NIBAN2: variants seen among roughly 807,000 people sequenced by gnomAD.
The protein encoded by NIBAN2 is niban apoptosis regulator 2.
NIBAN2 carries 36 observed loss-of-function variants against 81.8 expected under a neutral mutation model. That is an observed-to-expected ratio of 0.44 (90% CI 0.34 to 0.58). The LOEUF is 0.58. Ranked by LOEUF, NIBAN2 falls within the 20% of genes least tolerant of loss-of-function variation. NIBAN2 has a pLI of 0.02. For synonymous variants in NIBAN2, 445 were observed against 441.6 expected, an observed-to-expected ratio of 1.01 and a Z score of -0.10; for missense variants, 897 against 1,014.1, an observed-to-expected ratio of 0.88 and a Z score of 1.57.
chr9:127,521,377 G>A (rs1488002385), intron 5 of NIBAN2, among the ~76,000 whole-genome samples: 1 of 152,132 alleles, frequency 6.6e-6, no homozygotes. Flanking sequence ...CAGACAGAGG[G>A]GGACCACGGT....
chr9:127,525,321 T>C (rs1462269788), intron 3 of NIBAN2, among the ~76,000 whole-genome samples, 158 bp from the exon 4 acceptor site: 2 of 152,090 alleles, frequency 1.3e-5, no homozygotes, highest in Non-Finnish European at 2.9e-5. Flanking sequence ...GTCACTATCA[T>C]GGTGATTGGG....
At chr9:127,546,683 C>T (rs369801357) in intron 1 of NIBAN2, among the ~76,000 whole-genome samples, 7 of 152,174 alleles carry the variant, frequency 4.6e-5, no homozygotes, top group Non-Finnish European at 7.3e-5. Context: ...AGATGTCAGG[C>T]GAGTCACCAA....
At chr9:127,572,825 G>T (rs539008130), upstream of NIBAN2, among the ~76,000 whole-genome samples, 13 of 152,176 alleles carry the variant, frequency 8.5e-5, 1 homozygote, top group South Asian at 2.5e-3. Context: ...CAAGAGGATT[G>T]CTTGAGGCCA....
chr9:127,578,920 A>G lies in NIBAN2; in HGVS notation c.16+2T>C, dbSNP rs1838041744. On this transcript the variant is annotated splice_donor_variant, in intron 1 of 13. Coordinates refer to the NIBAN2 transcript ENST00000373314. LOFTEE classifies it high-confidence loss of function. ...TCCTGGGGACTTGTGCACAAGTCTT[A>G]CCTCCCATCCACCCCATCCTCCAGA... 6.2e-7 allele frequency: 1 copy of G among 1,610,932 alleles called. No homozygotes were observed.
Position 127,506,881 on chromosome 9 carries a change from G to A in NIBAN2, c.2205C>T (p.Thr735=), listed in dbSNP as rs1241133227. The A allele has an allele frequency of 6.2e-7, 1 of 1,612,616 alleles. No homozygotes were observed. Among genetic ancestry groups the A allele is most frequent in the Non-Finnish European group, 8.5e-7 (1 of 1,179,530 alleles). ...TCTGCACCCCTGCACTGTCCTCGGT[G>A]GTGGTGTGGAGGGCGGGGTGGCTGC... ...SPSSHPALHT[T]TEDSAGVQTE... is the part of the protein sequence containing the mutation. Residue 735 remains threonine, a synonymous_variant, in exon 14 of 14, where the codon ACC becomes ACT. Coordinates refer to ENST00000373312, the MANE Select transcript of NIBAN2 (RefSeq NM_022833.4).
At chr9:127,555,304 C>T (rs1216092873) in intron 1 of NIBAN2, among the ~76,000 whole-genome samples, 1 of 152,092 alleles carries the variant, frequency 6.6e-6, no homozygotes, top group African/African-American at 2.4e-5. Flanking sequence ...GGAAGGGGGA[C>T]GACCACCCTT....
chr9:127,541,163 G>A (rs1837372080), intron 1 of NIBAN2, among the ~76,000 whole-genome samples: 1 of 152,180 alleles, frequency 6.6e-6, no homozygotes, highest in South Asian at 2.1e-4. Flanking sequence ...GAGACAGCAG[G>A]GAGAGCTTGG....
chr9:127,509,943 C>G (rs1032327996), intron 9 of NIBAN2: 26 of 398,818 alleles, frequency 6.5e-5, no homozygotes, highest in Middle Eastern at 1.4e-3. Flanking sequence ...CTAATGTTCC[C>G]TCTTTCCTCA....
At chr9:127,554,548 CTTTTTTT>C (rs1230242603) in intron 1 of NIBAN2, among the ~76,000 whole-genome samples, 9 of 103,704 alleles carry the variant, frequency 8.7e-5, no homozygotes, top group South Asian at 3.6e-4. Context: ...TTTTCTTTTT[CTTTTTTT>C]TTTTTTTTTT....
intron 8 of NIBAN2, among the ~76,000 whole-genome samples, chr9:127,511,145 A>G (rs1836729748): frequency 6.6e-6 from 1 of 151,948 alleles, no homozygotes; most frequent in Non-Finnish European, 1.5e-5. Flanking sequence ...CCCAGGTTCA[A>G]GTGATTCTCA....
At chr9:127,512,480 T>C (rs1046691456) in intron 8 of NIBAN2, among the ~76,000 whole-genome samples, 1 of 151,946 alleles carries the variant, frequency 6.6e-6, no homozygotes, top group Non-Finnish European at 1.5e-5. Flanking sequence ...AGAGACGGGG[T>C]TTCACCATGT....
Position 127,517,206 on chromosome 9 carries a change from T to A in NIBAN2, c.716A>T (p.Asn239Ile). ...AGGGCCCAGCTCCTCCATCACCAGG[T>A]TGCTCAGGATCTAGGTTGAGGAGGC... ...LCGNEVQILS[N>I]LVMEELGPEL... The change falls in exon 7 of 14, where the codon AAC becomes ATC. Residue 239 changes from asparagine to isoleucine, a missense_variant. Asn to Ile is a moderately radical substitution (Grantham distance 149). Transcript: ENST00000373312. The surrounding 1 kb of genome is among the most constrained non-coding windows in gnomAD (Gnocchi z 4.0). 1 of 1,613,810 alleles carries A rather than the reference T, an allele frequency of 6.2e-7. No individual in the cohort carries two copies. Among genetic ancestry groups the A allele is most frequent in the South Asian group, 1.1e-5 (1 of 91,066 alleles).
At position 127,508,494 on chromosome 9, in the gene NIBAN2, C is replaced by G. The variant is rs757249342; in HGVS notation, c.1362G>C (p.Gln454His). The G allele has an allele frequency of 8.7e-6, 14 of 1,613,964 alleles. No individual in the cohort carries two copies. The East Asian group carries it at 3.1e-4, about 36-fold the overall frequency. ...CCTTGGTGGGCCCCTTCCCCAGCTC[C>G]TGGTGCAGGAGGGTCTCGAACGTAT... is the stretch of plus-strand genomic sequence containing the variant. ...AVYTFETLLH[Q>H]ELGKGPTKEE... The change falls in exon 11 of 14, where the codon CAG becomes CAC. Residue 454 changes from glutamine to histidine, a missense_variant. Around this residue, in one of 3 missense-constraint regions of NIBAN2, gnomAD observed 619 missense variants for 691.0 expected, o/e 0.90. Transcript: ENST00000373312. The surrounding 1 kb of genome is among the most constrained non-coding windows in gnomAD (Gnocchi z 6.4).
At chr9:127,520,147 T>C (rs543907184) in intron 5 of NIBAN2, among the ~76,000 whole-genome samples, 84 of 151,808 alleles carry the variant, frequency 5.5e-4, no homozygotes, top group African/African-American at 1.9e-3. Flanking sequence ...GGGGCTGAAG[T>C]GTGTCTCCAC....
Position 127,536,612 on chromosome 9 carries a change from G to A in NIBAN2, c.56-4834C>T, listed in dbSNP as rs556880025. On this transcript the variant is annotated intron_variant, in intron 1 of 13. Transcript: ENST00000373312. The surrounding 1 kb of genome is among the most constrained non-coding windows in gnomAD (Gnocchi z 4.0). ...ACAGCAGCTCTTTCCATTTCCTGCC[G>A]CAGCCTCTGGAGACACCACACGCCA... Among the ~76,000 whole-genome samples, 6 of 152,284 alleles carry A rather than the reference G, an allele frequency of 3.9e-5. No individual in the cohort carries two copies. The highest frequency in any genetic ancestry group is 4.1e-4 in the South Asian group (2 of 4,820).
chr9:127,537,585 G>A (rs765462663), intron 1 of NIBAN2, among the ~76,000 whole-genome samples: 17 of 152,192 alleles, frequency 1.1e-4, no homozygotes, highest in Non-Finnish European at 1.9e-4. Context: ...CCTAACCGTG[G>A]CTGGGATCCC....
chr9:127,528,702 C>G (rs2132184276), intron 2 of NIBAN2, among the ~76,000 whole-genome samples: 1 of 152,368 alleles, frequency 6.6e-6, no homozygotes, highest in Middle Eastern at 3.4e-3. Context: ...CTACCACCCC[C>G]ACACACAGTG....
intron 8 of NIBAN2, among the ~76,000 whole-genome samples, chr9:127,515,952 A>T (rs1432263931): frequency 1.3e-5 from 2 of 152,124 alleles, no homozygotes; most frequent in Non-Finnish European, 2.9e-5. Context: ...AGCCTGGGCA[A>T]CATGGCAAAA....
chr9:127,529,083 C>G (rs1837130665), intron 2 of NIBAN2, among the ~76,000 whole-genome samples: 2 of 152,176 alleles, frequency 1.3e-5, no homozygotes, highest in African/African-American at 4.8e-5. Context: ...AATTGGAAGG[C>G]CTGCAGGAAA....
Sources: allele counts gnomAD v4.1 joint callset (sites outside exome capture counted in the v4.1 genomes callset), GRCh38; gene constraint gnomAD v4.1.1; regional missense constraint gnomAD v4.1.1; non-coding constraint Gnocchi (gnomAD v3.1); transcripts MANE v1.5; gene names NCBI Gene and HGNC (gene_info 2026-07-23, HGNC 2026-07-21).